PMS2: variants seen among roughly 807,000 people sequenced by gnomAD.
PMS2 encodes the protein mismatch repair endonuclease PMS2.
Under a neutral mutation model 90.0 loss-of-function variants are expected in PMS2, and 69 were observed. That is an observed-to-expected ratio of 0.77 (90% CI 0.63 to 0.94). The LOEUF is 0.94. Ranked by LOEUF, PMS2 falls within the 40% of genes least tolerant of loss-of-function variation. The pLI is 0.00. For synonymous variants in PMS2, 332 were observed against 375.1 expected (o/e 0.89, Z 1.33); for missense variants, 966 against 1,040.2 (o/e 0.93, Z 0.98).
intron 8 of PMS2, among the ~76,000 whole-genome samples, chr7:5,992,853 T>C (rs1303367665): frequency 1.3e-5 from 2 of 152,206 alleles, no homozygotes; most frequent in African/African-American, 4.8e-5. Flanking sequence ...TTAAAGTTGC[T>C]CTATGAGAAA....
chr7:5,984,211 G>C (rs1176413828), intron 11 of PMS2, among the ~76,000 whole-genome samples: 2 of 151,796 alleles, frequency 1.3e-5, no homozygotes, highest in Admixed American at 6.6e-5. Flanking sequence ...GTGTGTAAGA[G>C]CACCTTTCTG....
At chr7:5,984,947 C>G (rs2128713152) in intron 11 of PMS2, among the ~76,000 whole-genome samples, 1 of 151,984 alleles carries the variant, frequency 6.6e-6, no homozygotes, top group East Asian at 1.9e-4. Context: ...GCCCACATTT[C>G]CTATGGTGAG....
chr7:5,982,491 AC>A (rs1261335696), intron 12 of PMS2, among the ~76,000 whole-genome samples: 2 of 151,974 alleles, frequency 1.3e-5, no homozygotes, highest in Non-Finnish European at 2.9e-5. Context: ...GGCGTGAGCC[AC>A]CGTGCCTGGC....
At chr7:6,003,115 G>A (rs1442493521) in intron 4 of PMS2, among the ~76,000 whole-genome samples, 1 of 151,862 alleles carries the variant, frequency 6.6e-6, no homozygotes, top group Non-Finnish European at 1.5e-5. Context: ...GCAACATGGT[G>A]AAATCCCATC....
rs786202542 is a variant in PMS2 at position 6,005,937 on chromosome 7, T to C, written c.118A>G (p.Lys40Glu). ...QVVLSLSTAV[K>E]ELVENSLDAG... ...TCCAGACTGTTTTCTACTAACTCCT[T>C]TACCGCAGTGCTTAGACTCAGTACC... The change falls in exon 2 of 15, where the codon AAG becomes GAG. Residue 40 changes from lysine (K) to glutamate (E), a missense_variant. By Grantham distance (56) the Lys-to-Glu change is moderately conservative. This residue lies in a region of PMS2 where 871 missense variants were observed against 802.4 expected (regional missense o/e 1.09). Coordinates refer to ENST00000265849, the MANE Select transcript of PMS2 (RefSeq NM_000535.7). The C allele has an allele frequency of 1.9e-6, 3 of 1,610,878 alleles. No individual in the cohort carries two copies. The Admixed American group carries it at 5.0e-5, about 27-fold the overall frequency.
intron 4 of PMS2, 25 bp from the exon 5 acceptor site, chr7:6,002,661 G>A (rs1785237944): frequency 6.3e-7 from 1 of 1,586,536 alleles, no homozygotes; most frequent in Non-Finnish European, 8.6e-7. Flanking sequence ...CAGGCATGGT[G>A]TGTTCAGTGA....
In PMS2 at chr7:5,987,594, C is replaced by A. The variant is rs1064795020; in HGVS notation, c.1171G>T (p.Asp391Tyr). ...EGNLIKMHAA[D>Y]LEKPMVEKQD... ...TTTTCTACCATGGGCTTTTCCAAAT[C>A]CGCTGCATGCATTTTTATTAAGTTA... The change falls in exon 11 of 15, where the codon GAT (aspartate) becomes TAT (tyrosine). Residue 391 changes from aspartate to tyrosine, a missense_variant. Physicochemically the swap from Asp to Tyr is radical, Grantham distance 160 (BLOSUM62 -3). Transcript: ENST00000265849. The A allele has an allele frequency of 2.5e-6, 4 of 1,605,610 alleles. No homozygotes were observed. The highest frequency in any genetic ancestry group is 3.4e-6 in the Non-Finnish European group (4 of 1,173,058).
intron 5 of PMS2, 27 bp from the exon 6 acceptor site, chr7:5,999,302 T>G: frequency 6.3e-7 from 1 of 1,592,138 alleles, no homozygotes; most frequent in Non-Finnish European, 8.6e-7. Flanking sequence ...AACACAATAT[T>G]CTACATTACT....
rs139031103 is a variant in PMS2 at position 5,977,687 on chromosome 7, G to A, written c.2346C>T (p.Asp782=). Residue 782 remains aspartate, a synonymous_variant, in exon 14 of 15, where the codon GAC becomes GAT. Transcript: ENST00000265849. ...TCAGCATGAAGATCAGTTCATCGAC[G>A]TCCTGGGGTCCGAAGGTCCAGTTTT... The part of the protein sequence containing the change: ...TSKNWTFGPQ[D]VDELIFMLSD... 1.3e-5 allele frequency: 21 copies of A among 1,606,160 alleles called. 1 individual carries two copies. Among genetic ancestry groups the A allele is most frequent in the Middle Eastern group, 3.3e-4 (2 of 6,062 alleles).
intron 3 of PMS2, 68 bp from the exon 4 acceptor site, chr7:6,003,860 C>G: frequency 7.9e-7 from 1 of 1,262,920 alleles, no homozygotes; most frequent in Non-Finnish European, 1.2e-6. Context: ...TACATGATAT[C>G]TAGTAACTGG....
intron 9 of PMS2, among the ~76,000 whole-genome samples, chr7:5,990,371 G>A (rs201649628): frequency 1.3e-5 from 2 of 152,278 alleles, no homozygotes; most frequent in East Asian, 3.9e-4. Flanking sequence ...TTTATCACAA[G>A]TGCTATTAAA....
chr7:5,993,113 G>A (rs1783946483), intron 8 of PMS2, among the ~76,000 whole-genome samples: 1 of 152,134 alleles, frequency 6.6e-6, no homozygotes, highest in African/African-American at 2.4e-5. Context: ...GCTCACGCCT[G>A]TAATCCCAGC....
chr7:5,999,086 T>C lies in PMS2; in HGVS notation c.705+22A>G, dbSNP rs748009257. On this transcript the variant is annotated intron_variant, in intron 6 of 14. Coordinates refer to ENST00000265849, the MANE Select transcript of PMS2 (RefSeq NM_000535.7). ...TAATCACTAGAGCAATAAGAGGCGT[T>C]GAAGTAACCGGCCATCACTACCTGC... is the stretch of plus-strand genomic sequence containing the variant. 3.2e-5 allele frequency: 51 copies of C among 1,612,064 alleles called. No homozygotes were observed. The Admixed American group carries it at 8.5e-4, about 27-fold the overall frequency.
intron 5 of PMS2, among the ~76,000 whole-genome samples, chr7:6,001,632 G>T (rs1204641742): frequency 6.6e-6 from 1 of 152,052 alleles, no homozygotes; most frequent in Non-Finnish European, 1.5e-5. Flanking sequence ...GCCTCCCAAA[G>T]TGCTGGGATT....
intron 2 of PMS2, chr7:6,004,272 C>CT (rs200703702): frequency 3.6e-3 from 1,540 of 428,364 alleles, no homozygotes; most frequent in Middle Eastern, 5.1e-3. Flanking sequence ...TTTCTTTCCT[C>CT]TTTTTTTTTC....
rs1554297839 is a variant in PMS2 at position 5,987,402 on chromosome 7, A to G, written c.1363T>C (p.Ser455Pro). 1.9e-6 allele frequency: 3 copies of G among 1,614,034 alleles called. No homozygotes were observed. Among genetic ancestry groups the G allele is most frequent in the Middle Eastern group, 1.6e-4 (1 of 6,084 alleles). Residue 455 changes from serine (S) to proline (P), a missense_variant, in exon 11 of 15, where the codon TCT becomes CCT. This residue lies in a region of PMS2 where 871 missense variants were observed against 802.4 expected (regional missense o/e 1.09). Transcript: ENST00000265849. ...GAGATGGCACCTGAAGTGCTAGAAG[A>G]CAGCATACCCCTTTTCTGTCCTAGA... ...SPLGQKRGML[S>P]SSTSGAISDK...
chr7:6,005,870 C>T (rs2128843244), intron 2 of PMS2, 22 bp downstream of exon 2: 2 of 1,610,666 alleles, frequency 1.2e-6, no homozygotes, highest in Non-Finnish European at 1.7e-6. Context: ...TTTCTTGTGG[C>T]TTAAAACTCT....
rs573550537 is a variant in PMS2 at position 6,001,579 on chromosome 7, C to T, written c.537+874G>A. 3.7e-3 allele frequency among the ~76,000 whole-genome samples: 567 copies of T among 152,194 alleles called. 1 individual carries two copies. Among genetic ancestry groups the T allele is most frequent in the African/African-American group, 0.012 (519 of 41,558 alleles). On this transcript the variant is annotated intron_variant, in intron 5 of 14. Transcript: ENST00000265849. ...AGAGATGGGGTTTCACCAGTTTGGC[C>T]AGGATGGCTTTGATCTCTTGACCTC...
intron 2 of PMS2, among the ~76,000 whole-genome samples, chr7:6,005,589 G>A (rs35657389): frequency 0.043 from 6,550 of 152,176 alleles, 203 homozygotes; most frequent in Non-Finnish European, 0.066. Flanking sequence ...CCCCCACCTC[G>A]GCCTCTCAAA....
Sources: gnomAD v4.1 joint callset for allele counts (sites outside exome capture counted in the v4.1 genomes callset) on GRCh38, gnomAD v4.1.1 for gene constraint, gnomAD v4.1.1 regional missense constraint, MANE v1.5 for transcripts, NCBI Gene and HGNC (gene_info 2026-07-23, HGNC 2026-07-21) for gene names.